Variants in PTCHD4 observed in about 807,000 individuals in gnomAD.
PTCHD4 encodes patched domain-containing protein 4.
In PTCHD4, 33 loss-of-function variants were observed where a neutral mutation model predicts 58.1. The ratio of observed to expected loss-of-function variants is 0.57; its 90% confidence interval spans 0.43 to 0.76. The LOEUF (loss-of-function observed/expected upper bound fraction) is 0.76, where lower values mean the gene tolerates loss of function less well. PTCHD4 is among the 30% of genes least tolerant of loss of function. PTCHD4 has a pLI of 0.00. For synonymous variants in PTCHD4, 478 were observed against 409.6 expected, an observed-to-expected ratio of 1.17 and a Z score of -2.02; for missense variants, 1,058 against 1,027.1, an observed-to-expected ratio of 1.03 and a Z score of -0.41.
intron 1 of PTCHD4, among the ~76,000 whole-genome samples, chr6:48,089,397 C>T (rs777745029): frequency 4.6e-5 from 7 of 151,922 alleles, no homozygotes; most frequent in Non-Finnish European, 7.4e-5. Flanking sequence ...ATCACAATAG[C>T]GATAACCACA....
At position 47,864,115 on chromosome 6, in the gene PTCHD4, A is replaced by T. The variant is rs1243912733; in HGVS notation, c.*14188T>A. ...TCAAAGTCCAAGTGTGGTTCCTCAG[A>T]CTAGTAGCATTAGCATCACCTGAAA... On this transcript the variant is annotated 3_prime_UTR_variant, in exon 5 of 5. Coordinates refer to ENST00000339488, the MANE Select transcript of PTCHD4 (RefSeq NM_001384253.1). Among the ~76,000 whole-genome samples the T allele has an allele frequency of 1.3e-5, 2 of 151,880 alleles. No homozygotes were observed. Among genetic ancestry groups the T allele is most frequent in the Non-Finnish European group, 2.9e-5 (2 of 67,888 alleles).
At chr6:47,950,566 G>A (rs143091026) in intron 4 of PTCHD4, among the ~76,000 whole-genome samples, 9 of 152,250 alleles carry the variant, frequency 5.9e-5, no homozygotes, top group East Asian at 1.9e-4. Flanking sequence ...CCTAAGAAGC[G>A]AAGCAGATTT....
intron 3 of PTCHD4, among the ~76,000 whole-genome samples, chr6:48,066,292 T>C (rs1009254815): frequency 3.9e-5 from 6 of 152,208 alleles, no homozygotes; most frequent in Middle Eastern, 3.4e-3. Context: ...TTTTATACTG[T>C]AAATAGCATA....
At chr6:47,952,900 TATACAC>T (rs1561974950) in intron 4 of PTCHD4, among the ~76,000 whole-genome samples, 3 of 151,750 alleles carry the variant, frequency 2.0e-5, no homozygotes, top group African/African-American at 7.3e-5. Context: ...GTATATATAC[TATACAC>T]ATACACATAG....
intron 4 of PTCHD4, among the ~76,000 whole-genome samples, chr6:47,996,223 T>G (rs1359985622): frequency 6.6e-6 from 1 of 152,010 alleles, no homozygotes; most frequent in African/African-American, 2.4e-5. Context: ...ATCCCAGCAC[T>G]TTTGGGAGGC....
rs183656731 is a variant in PTCHD4, at chr6:47,960,185, G to A, written c.898+48449C>T. ...AGTTATGCTATAAATTCAAAAGCAC[G>A]CACTTAAGTAATAATAAAACATAGT... On this transcript the variant is annotated intron_variant, in intron 4 of 4. Coordinates refer to ENST00000339488, the MANE Select transcript of PTCHD4 (RefSeq NM_001384253.1). 1.8e-4 allele frequency among the ~76,000 whole-genome samples: 28 copies of A among 152,046 alleles called. No individual in the cohort carries two copies. In the South Asian group the frequency reaches 3.3e-3, roughly 18 times the overall value.
chr6:47,990,741 C>G (rs1200288418), intron 4 of PTCHD4, among the ~76,000 whole-genome samples: 1 of 151,972 alleles, frequency 6.6e-6, no homozygotes, highest in Non-Finnish European at 1.5e-5. Flanking sequence ...GTGTGCTTAC[C>G]TTAATAAAAA....
intron 3 of PTCHD4, among the ~76,000 whole-genome samples, chr6:48,025,447 T>C (rs1763210481): frequency 6.6e-6 from 1 of 152,216 alleles, no homozygotes; most frequent in African/African-American, 2.4e-5. Flanking sequence ...TGCCTGTCAT[T>C]CTCCCTTATT....
At chr6:48,002,269 C>A (rs1456703889) in intron 4 of PTCHD4, among the ~76,000 whole-genome samples, 1 of 152,040 alleles carries the variant, frequency 6.6e-6, no homozygotes, top group South Asian at 2.1e-4. Context: ...GGGTATATAC[C>A]CAAAGGAGTA....
At chr6:48,088,571 T>C (rs1192007787) in intron 1 of PTCHD4, among the ~76,000 whole-genome samples, 1 of 152,152 alleles carries the variant, frequency 6.6e-6, no homozygotes, top group Non-Finnish European at 1.5e-5. Flanking sequence ...TTAAAAGCTG[T>C]GATATGAAAA....
intron 4 of PTCHD4, among the ~76,000 whole-genome samples, chr6:47,913,715 A>T (rs967924562): frequency 2.6e-5 from 4 of 152,124 alleles, no homozygotes; most frequent in Non-Finnish European, 5.9e-5. Flanking sequence ...ACCACTTCTC[A>T]TTTCAAGGCT....
At chr6:47,955,555 C>T (rs888388609) in intron 4 of PTCHD4, among the ~76,000 whole-genome samples, 1 of 152,138 alleles carries the variant, frequency 6.6e-6, no homozygotes, top group Non-Finnish European at 1.5e-5. Context: ...GTCCAGTTTT[C>T]CTGGAGTGTA....
intron 3 of PTCHD4, among the ~76,000 whole-genome samples, chr6:48,044,510 GA>G (rs1281060513): frequency 6.6e-6 from 1 of 151,706 alleles, no homozygotes; most frequent in South Asian, 2.1e-4. Context: ...TTATCATTTT[GA>G]AAAAAATAAT....
chr6:48,010,893 C>T (rs1437483420), intron 3 of PTCHD4, among the ~76,000 whole-genome samples: 1 of 151,210 alleles, frequency 6.6e-6, no homozygotes, highest in African/African-American at 2.4e-5. Flanking sequence ...CCAGCTTCAT[C>T]CAAAGGACAT....
Position 47,907,687 on chromosome 6 carries a change from G to T in PTCHD4, c.899-27751C>A, listed in dbSNP as rs375961617. On this transcript the variant is annotated intron_variant, in intron 4 of 4. Transcript: ENST00000339488. ...GGTCCAGCAGGATACCAATATTTTTGACAATAGTCGCCCCATTCCAGCAAA... is the reference window on the plus strand; with the variant it reads ...GGTCCAGCAGGATACCAATATTTTTTACAATAGTCGCCCCATTCCAGCAAA... Among the ~76,000 whole-genome samples the T allele has an allele frequency of 6.5e-4, 99 of 152,238 alleles. 1 individual carries two copies. The highest frequency in any genetic ancestry group is 2.2e-3 in the African/African-American group (93 of 41,536).
chr6:47,970,430 A>G (rs1356207898), intron 4 of PTCHD4, among the ~76,000 whole-genome samples: 1 of 152,218 alleles, frequency 6.6e-6, no homozygotes, highest in African/African-American at 2.4e-5. Context: ...AAGTTGCAGA[A>G]TCTTAGAAAA....
intron 4 of PTCHD4, among the ~76,000 whole-genome samples, chr6:47,958,938 A>G (rs1766975879): frequency 6.6e-6 from 1 of 152,194 alleles, no homozygotes; most frequent in Non-Finnish European, 1.5e-5. Flanking sequence ...TTTAATGTTA[A>G]GCTGAAAGGA....
intron 3 of PTCHD4, among the ~76,000 whole-genome samples, chr6:48,064,007 A>C (rs1008018483): frequency 2.0e-5 from 3 of 152,208 alleles, no homozygotes; most frequent in African/African-American, 4.8e-5. Context: ...GTTAAGAAGC[A>C]GGAAAGTCTA....
intron 1 of PTCHD4, among the ~76,000 whole-genome samples, chr6:48,107,772 C>A (rs530907087): frequency 2.6e-5 from 4 of 152,058 alleles, no homozygotes; most frequent in Non-Finnish European, 4.4e-5. Context: ...CAAACAACCC[C>A]GTCAAAAAGT....
Sources: allele counts gnomAD v4.1 joint callset (sites outside exome capture counted in the v4.1 genomes callset), GRCh38; gene constraint gnomAD v4.1.1; transcripts MANE v1.5; gene names NCBI Gene and HGNC (gene_info 2026-07-23, HGNC 2026-07-21).